Variants in AUTS2 observed in about 807,000 individuals in gnomAD.
AUTS2 encodes autism susceptibility gene 2 protein.
Under a neutral mutation model 112.4 loss-of-function variants are expected in AUTS2, and 17 were observed. That is an observed-to-expected ratio of 0.15 (90% confidence interval 0.10 to 0.23). The LOEUF is 0.23. Ranked by LOEUF, AUTS2 falls within the 10% of genes least tolerant of loss-of-function variation. AUTS2 has a pLI of 1.00. For missense variants in AUTS2, 1,510 were observed against 1,701.6 expected (o/e 0.89, Z 1.98); for synonymous variants, 751 against 702.7 (o/e 1.07, Z -1.09).
intron 4 of AUTS2, among the ~76,000 whole-genome samples, chr7:70,425,319 A>G (rs142504741): frequency 1.3e-5 from 2 of 152,360 alleles, no homozygotes; most frequent in Non-Finnish European, 2.9e-5. Flanking sequence ...ACCTCTGTTC[A>G]TGCTACCCTG....
intron 5 of AUTS2, among the ~76,000 whole-genome samples, chr7:70,613,214 C>CAT (rs1804184648): frequency 7.0e-6 from 1 of 142,674 alleles, no homozygotes; most frequent in Non-Finnish European, 1.5e-5. Context: ...GTTGGAGAGG[C>CAT]ATATATATAC....
chr7:70,257,168 TCTCA>T (rs1272615297), intron 4 of AUTS2, among the ~76,000 whole-genome samples: 1 of 152,100 alleles, frequency 6.6e-6, no homozygotes, highest in Non-Finnish European at 1.5e-5. Context: ...AGAATTGGGG[TCTCA>T]CTCTATTACC....
At chr7:69,747,687 G>A (rs1390919056) in intron 1 of AUTS2, among the ~76,000 whole-genome samples, 1 of 151,928 alleles carries the variant, frequency 6.6e-6, no homozygotes. Context: ...TGAGCTGCTT[G>A]GAGTACTGGA....
chr7:70,674,730 T>C (rs1807823194), intron 5 of AUTS2, among the ~76,000 whole-genome samples: 1 of 152,122 alleles, frequency 6.6e-6, no homozygotes, highest in Admixed American at 6.5e-5. Flanking sequence ...GCATGTACTC[T>C]AGATTTAAAA....
chr7:70,520,137 A>G (rs957872682), intron 5 of AUTS2, among the ~76,000 whole-genome samples: 4 of 151,770 alleles, frequency 2.6e-5, no homozygotes, highest in Non-Finnish European at 4.4e-5. Flanking sequence ...CTCTTTTTTT[A>G]TGGTTCATGC....
intron 5 of AUTS2, among the ~76,000 whole-genome samples, chr7:70,483,784 T>A (rs1404662367): frequency 3.4e-5 from 5 of 147,850 alleles, no homozygotes; most frequent in East Asian, 1.9e-4. Context: ...TCAAGCCCAG[T>A]GTCTCAGATA....
intron 4 of AUTS2, among the ~76,000 whole-genome samples, chr7:70,415,178 C>T (rs1389452961): frequency 6.6e-6 from 1 of 152,192 alleles, no homozygotes; most frequent in Non-Finnish European, 1.5e-5. Flanking sequence ...AGGTCTTTGT[C>T]CCATTCCCCG....
intron 1 of AUTS2, among the ~76,000 whole-genome samples, chr7:69,890,090 A>G (rs1794453794): frequency 6.6e-6 from 1 of 152,050 alleles, no homozygotes; most frequent in Non-Finnish European, 1.5e-5. Flanking sequence ...CTGTAATCCA[A>G]TTTTAGGAAT....
intron 5 of AUTS2, among the ~76,000 whole-genome samples, chr7:70,572,398 G>A (rs1585317415): frequency 7.9e-6 from 1 of 125,904 alleles, no homozygotes; most frequent in East Asian, 2.7e-4. Flanking sequence ...AATCATAATA[G>A]CTTATTTCAT....
At chr7:69,684,651 GTAAC>G (rs886767205) in intron 1 of AUTS2, among the ~76,000 whole-genome samples, 2 of 152,126 alleles carry the variant, frequency 1.3e-5, no homozygotes, top group African/African-American at 2.4e-5. Context: ...TTACAGCTGA[GTAAC>G]TAGCGAAAAA....
intron 1 of AUTS2, among the ~76,000 whole-genome samples, chr7:69,611,252 G>A (rs1467586280): frequency 1.3e-5 from 2 of 152,274 alleles, no homozygotes; most frequent in African/African-American, 4.8e-5. Flanking sequence ...CCCCCAGAGG[G>A]AGTTTGTATT....
rs10263997 is a variant in AUTS2, at chr7:70,184,416, A to G, written c.660+49845A>G. On this transcript the variant is annotated intron_variant, in intron 4 of 18. Coordinates refer to ENST00000342771, the MANE Select transcript of AUTS2 (RefSeq NM_015570.4). ...ACCTTCTCTGGAAATGGGGTGCCAC[A>G]TCTTTTGCCTTCTGGCTAAATTTTT... Among the ~76,000 whole-genome samples the G allele has an allele frequency of 5.1e-3, 778 of 152,268 alleles. 8 individuals are homozygous for G. Among genetic ancestry groups the G allele is most frequent in the African/African-American group, 0.018 (751 of 41,562 alleles).
At chr7:70,110,557 A>T (rs933162291) in intron 2 of AUTS2, among the ~76,000 whole-genome samples, 1 of 152,178 alleles carries the variant, frequency 6.6e-6, no homozygotes, top group Non-Finnish European at 1.5e-5. Context: ...TAAATTATTA[A>T]CTTAGTTTTT....
chr7:69,822,567 T>C (rs1791046057), intron 1 of AUTS2, among the ~76,000 whole-genome samples: 1 of 152,228 alleles, frequency 6.6e-6, no homozygotes, highest in African/African-American at 2.4e-5. Flanking sequence ...ATTGGACAGT[T>C]GTTGATCTTG....
At chr7:70,361,305 C>T (rs1190264449) in intron 4 of AUTS2, among the ~76,000 whole-genome samples, 14 of 151,920 alleles carry the variant, frequency 9.2e-5, no homozygotes. Context: ...TGCACTCCAG[C>T]CTGGGTAACA....
At chr7:70,320,316 A>T (rs187455730) in intron 4 of AUTS2, among the ~76,000 whole-genome samples, 4 of 152,200 alleles carry the variant, frequency 2.6e-5, no homozygotes, top group African/African-American at 7.2e-5. Flanking sequence ...GAAGGGATAC[A>T]TGTCACTTAT....
chr7:70,013,865 G>A (rs572945570), intron 2 of AUTS2, among the ~76,000 whole-genome samples: 2 of 152,182 alleles, frequency 1.3e-5, no homozygotes, highest in South Asian at 2.1e-4. Context: ...CTACAGGCAC[G>A]TATCACCACG....
chr7:69,842,688 G>T (rs998256187), intron 1 of AUTS2, among the ~76,000 whole-genome samples: 3 of 152,224 alleles, frequency 2.0e-5, no homozygotes, highest in African/African-American at 7.2e-5. Context: ...TACCTATTTG[G>T]GTGTGTTAGA....
chr7:70,156,994 T>G (rs1807810112), intron 4 of AUTS2, among the ~76,000 whole-genome samples: 1 of 148,118 alleles, frequency 6.8e-6, no homozygotes. Flanking sequence ...GGAGAATCGC[T>G]TGAACCTGGG....
Sources: allele counts gnomAD v4.1 joint callset (sites outside exome capture counted in the v4.1 genomes callset), GRCh38; gene constraint gnomAD v4.1.1; transcripts MANE v1.5; gene names NCBI Gene and HGNC (gene_info 2026-07-23, HGNC 2026-07-21).